Variants in PLOD1 observed in about 807,000 individuals in gnomAD.
PLOD1 encodes the protein procollagen-lysine,2-oxoglutarate 5-dioxygenase 1.
Under a neutral mutation model 94.7 loss-of-function variants are expected in PLOD1, and 70 were observed. That is an observed-to-expected ratio of 0.74 (90% confidence interval 0.61 to 0.90). The LOEUF (loss-of-function observed/expected upper bound fraction) is 0.90, where lower values mean the gene tolerates loss of function less well. PLOD1 is among the 40% of genes least tolerant of loss of function. The pLI, the probability that PLOD1 is intolerant of heterozygous loss-of-function variation, is 0.00. For synonymous variants in PLOD1, 417 were observed against 400.2 expected (o/e 1.04, Z -0.50); for missense variants, 905 against 972.7 (o/e 0.93, Z 0.93).
chr1:11,936,842 CT>C (rs1208095853), intron 1 of PLOD1, among the ~76,000 whole-genome samples: 2 of 117,442 alleles, frequency 1.7e-5, no homozygotes, highest in East Asian at 2.9e-4. Flanking sequence ...CATTTCTTTT[CT>C]TTTCTTTCTT....
At chr1:11,949,616 C>T (rs994884283) in intron 2 of PLOD1, among the ~76,000 whole-genome samples, 157 bp from the exon 3 acceptor site, 2 of 152,118 alleles carry the variant, frequency 1.3e-5, no homozygotes, top group African/African-American at 4.8e-5. Flanking sequence ...GACAGGGTTT[C>T]GCCATGTTGG....
rs1347432028 is a variant in PLOD1, at chr1:11,970,783, GA to G, written c.1870del (p.Thr624ArgfsTer30). On this transcript the variant is annotated frameshift_variant, in exon 17 of 19. Coordinates refer to ENST00000196061, the MANE Select transcript of PLOD1 (RefSeq NM_000302.4). LOFTEE classifies it high-confidence loss of function. ...TCCTGCTGGAGTACATTGCGCCCAT[GA>G]CGGAGAAGCTCTACCCCGGCTACTA... Reference protein sequence around the residue: ...KFLLEYIAPMTEKLYPGYYTR... With the variant: ...KFLLEYIAPMXEKLYPGYYTR... The G allele has an allele frequency of 1.9e-6, 3 of 1,610,078 alleles. No individual in the cohort carries two copies. Among genetic ancestry groups the G allele is most frequent in the African/African-American group, 2.7e-5 (2 of 73,504 alleles).
rs922997919 is a variant in PLOD1 at position 11,964,649 on chromosome 1, T to C, written c.1334T>C (p.Val445Ala). ...GCTTTCTGTCTCTCCCACAGTGGTGTCTGGAATGTGCCCTATATTTCAAAC... is the reference window on the plus strand; with the variant it reads ...GCTTTCTGTCTCTCCCACAGTGGTGCCTGGAATGTGCCCTATATTTCAAAC... ...VDIVQGRRVGVWNVPYISNIY... is the reference protein window; with the variant it reads ...VDIVQGRRVGAWNVPYISNIY... The change falls in exon 13 of 19, where the codon GTC (valine) becomes GCC (alanine). Residue 445 changes from valine to alanine, a missense_variant. Coordinates refer to ENST00000196061, the MANE Select transcript of PLOD1 (RefSeq NM_000302.4). 1.2e-6 allele frequency: 2 copies of C among 1,612,344 alleles called. No individual in the cohort carries two copies. Among genetic ancestry groups the C allele is most frequent in the Non-Finnish European group, 1.7e-6 (2 of 1,179,692 alleles).
intron 1 of PLOD1, among the ~76,000 whole-genome samples, chr1:11,946,862 A>G (rs2100740780): frequency 6.6e-6 from 1 of 152,318 alleles, no homozygotes; most frequent in East Asian, 1.9e-4. Context: ...CAAGCATACC[A>G]CCAGCATCTG....
At chr1:11,952,158 C>T (rs934952595) in intron 4 of PLOD1, among the ~76,000 whole-genome samples, 3 of 152,236 alleles carry the variant, frequency 2.0e-5, no homozygotes, top group African/African-American at 4.8e-5. Flanking sequence ...CCAGTCTGTA[C>T]TCTAGCCAGG....
chr1:11,954,310 CAAAAAAA>C (rs754503001), intron 5 of PLOD1: 600 of 161,350 alleles, frequency 3.7e-3, no homozygotes, highest in East Asian at 0.011. Flanking sequence ...CCATCTCTAG[CAAAAAAA>C]AAAAAAAAAA....
chr1:11,954,809 C>G, intron 5 of PLOD1, 21 bp from the exon 6 acceptor site: 1 of 1,599,874 alleles, frequency 6.3e-7, no homozygotes, highest in Non-Finnish European at 8.6e-7. Context: ...CTGCTGCAGT[C>G]TGGTACCTTC....
intron 4 of PLOD1, among the ~76,000 whole-genome samples, chr1:11,951,735 C>T (rs11809682): frequency 2.0e-5 from 3 of 149,800 alleles, no homozygotes; most frequent in Admixed American, 6.7e-5. Flanking sequence ...CTGGCTAACA[C>T]GATGAAACCC....
rs962445309 is a variant in PLOD1, at chr1:11,975,267, T to G, written c.*459T>G. ...CTTCAAGTTTTGGGGTAAAGACACC[T>G]GGATCAGACTCCAAGGGCTGCCCTG... On this transcript the variant is annotated 3_prime_UTR_variant, in exon 19 of 19. Coordinates refer to ENST00000196061, the MANE Select transcript of PLOD1 (RefSeq NM_000302.4). The G allele has an allele frequency of 7.3e-6, 2 of 272,318 alleles. No individual in the cohort carries two copies. The highest frequency in any genetic ancestry group is 4.4e-5 in the African/African-American group (2 of 45,524). 16.9% of individuals were successfully genotyped at this position (272,318 alleles called of 1,614,324 possible). A position where few individuals can be genotyped will look rare whatever the true frequency, so the allele number is the denominator to read the frequency against.
intron 1 of PLOD1, among the ~76,000 whole-genome samples, chr1:11,947,387 T>G (rs1352577914): frequency 3.9e-5 from 6 of 152,068 alleles, no homozygotes; most frequent in Non-Finnish European, 8.8e-5. Flanking sequence ...CTGGCCAACG[T>G]GGCAAAGCCC....
At chr1:11,938,419 GGTGCT>G (rs1400209001) in intron 1 of PLOD1, among the ~76,000 whole-genome samples, 1 of 152,128 alleles carries the variant, frequency 6.6e-6, no homozygotes, top group East Asian at 1.9e-4. Context: ...ACGGGAAGGG[GGTGCT>G]GTTGCCTGGA....
chr1:11,970,814 A>G lies in PLOD1; in HGVS notation c.1900A>G (p.Arg634Gly). ...GAAGCTCTACCCCGGCTACTACACC[A>G]GGGTGGGCAAGCCTGGGGCATAGCC... is the stretch of plus-strand genomic sequence containing the variant. Reference protein sequence around the residue: ...TEKLYPGYYTRAQFDLAFVVR... With the variant: ...TEKLYPGYYTGAQFDLAFVVR... The change falls in exon 17 of 19, where the codon AGG (arginine) becomes GGG (glycine). Residue 634 changes from arginine (R) to glycine (G), a missense_variant and splice_region_variant. By Grantham distance (125) the Arg-to-Gly change is moderately radical. Transcript: ENST00000196061. The G allele has an allele frequency of 1.4e-6, 2 of 1,465,068 alleles. No individual in the cohort carries two copies. Among genetic ancestry groups the G allele is most frequent in the Non-Finnish European group, 9.1e-7 (1 of 1,093,116 alleles). The allele number at this position is 1,465,068 out of a possible 1,614,324, so 90.8% of individuals were successfully genotyped here.
At position 11,974,732 on chromosome 1, in the gene PLOD1, G is replaced by A. The variant is rs775807168; in HGVS notation, c.2108G>A (p.Arg703Gln). Reference protein sequence around the residue: ...RKGWTLMHPGRLTHYHEGLPT... With the variant: ...RKGWTLMHPGQLTHYHEGLPT... ...GGCTGGACCCTCATGCACCCTGGAC[G>A]ACTCACGCATTACCATGAGGGGCTC... The change falls in exon 19 of 19, where the codon CGA becomes CAA. Residue 703 changes from arginine (R) to glutamine (Q), a missense_variant. By Grantham distance (43) the Arg-to-Gln change is conservative. Transcript: ENST00000196061. The A allele has an allele frequency of 6.8e-6, 11 of 1,613,730 alleles. No individual in the cohort carries two copies. The highest frequency in any genetic ancestry group is 6.7e-5 in the African/African-American group (5 of 74,902).
chr1:11,959,732 C>T (rs931099031), intron 9 of PLOD1, among the ~76,000 whole-genome samples: 11 of 150,998 alleles, frequency 7.3e-5, no homozygotes, highest in African/African-American at 2.4e-4. Context: ...ATTCTCCTGC[C>T]TCAGCCTCCC....
rs544262691 is a variant in PLOD1 at position 11,936,203 on chromosome 1, G to A, written c.76+1348G>A. Among the ~76,000 whole-genome samples, 35 of 152,164 alleles carry A rather than the reference G, an allele frequency of 2.3e-4. No homozygotes were observed. In the South Asian group the frequency reaches 4.6e-3, roughly 20 times the overall value. On this transcript the variant is annotated intron_variant, in intron 1 of 18. Coordinates refer to ENST00000196061, the MANE Select transcript of PLOD1 (RefSeq NM_000302.4). ...ACTGTCCAGGGTGGTCCAGACAGAG[G>A]TGGTTGGTCCGAGGTCAGCTGGGCT...
At chr1:11,959,694 T>C (rs1192129461) in intron 9 of PLOD1, among the ~76,000 whole-genome samples, 7 of 150,878 alleles carry the variant, frequency 4.6e-5, no homozygotes, top group African/African-American at 1.5e-4. Context: ...CTCAGCTCAG[T>C]GCAACCTCTG....
chr1:11,974,931 C>T lies in PLOD1; in HGVS notation c.*123C>T. 1.1e-6 allele frequency: 1 copy of T among 905,440 alleles called. No individual in the cohort carries two copies. 56.1% of individuals were successfully genotyped at this position (905,440 alleles called of 1,614,324 possible). ...TCCTGGCTGTTGACTTCCCATTGCT[C>T]TTGGAGCCACCAATCAAAGAGATTC... On this transcript the variant is annotated 3_prime_UTR_variant, in exon 19 of 19. Coordinates refer to ENST00000196061, the MANE Select transcript of PLOD1 (RefSeq NM_000302.4).
chr1:11,960,504 G>A, intron 9 of PLOD1, 142 bp from the exon 10 acceptor site: 1 of 706,838 alleles, frequency 1.4e-6, no homozygotes, highest in Non-Finnish European at 2.5e-6. Flanking sequence ...ATGGGCAAAG[G>A]TCTGGAGACA....
intron 18 of PLOD1, 127 bp downstream of exon 18, chr1:11,973,124 A>G (rs75875486): frequency 3.0e-5 from 30 of 991,922 alleles, no homozygotes; most frequent in Middle Eastern, 2.6e-4. Flanking sequence ...CAGAAAAAAA[A>G]GGATGTGGGT....
Sources: gnomAD v4.1 joint callset for allele counts (sites outside exome capture counted in the v4.1 genomes callset) on GRCh38, gnomAD v4.1.1 for gene constraint, MANE v1.5 for transcripts, NCBI Gene and HGNC (gene_info 2026-07-23, HGNC 2026-07-21) for gene names.